The following IL1RAPL1 variants were observed in gnomAD, a reference collection of about 807,000 sequenced individuals.
IL1RAPL1 encodes interleukin-1 receptor accessory protein-like 1.
Under a neutral mutation model 48.4 loss-of-function variants are expected in IL1RAPL1, and 3 were observed. The ratio of observed to expected loss-of-function variants is 0.06; its 90% CI spans 0.03 to 0.16. The LOEUF is 0.16. Ranked by LOEUF, IL1RAPL1 falls within the 10% of genes least tolerant of loss-of-function variation. The pLI, the probability that IL1RAPL1 is intolerant of heterozygous loss-of-function variation, is 1.00. For missense variants in IL1RAPL1, 349 were observed against 530.6 expected (o/e 0.66, Z 3.36); for synonymous variants, 185 against 187.7 (o/e 0.99, Z 0.12).
chrX:28,607,354 A>G (rs1437044837), intron 1 of IL1RAPL1, among the ~76,000 whole-genome samples: 1 of 111,443 alleles, frequency 9.0e-6, no homozygotes, highest in Non-Finnish European at 1.9e-5. Context: ...TTAAAGATAT[A>G]GATTCTAGAA....
intron 5 of IL1RAPL1, among the ~76,000 whole-genome samples, chrX:29,521,924 A>G (rs1418982709): frequency 3.6e-5 from 4 of 110,921 alleles, no homozygotes; most frequent in Non-Finnish European, 7.6e-5. Context: ...TCTCTTTCCA[A>G]TTACCTGCAA....
intron 2 of IL1RAPL1, among the ~76,000 whole-genome samples, chrX:28,893,569 T>C (rs781068783): frequency 7.4e-4 from 82 of 111,243 alleles, no homozygotes; most frequent in African/African-American, 2.4e-3. Context: ...ACTCGGGGCA[T>C]GTTGAGTAAA....
At chrX:29,883,307 C>A (rs1932067389) in intron 6 of IL1RAPL1, among the ~76,000 whole-genome samples, 2 of 110,725 alleles carry the variant, frequency 1.8e-5, no homozygotes, top group Admixed American at 9.7e-5. Flanking sequence ...ATCATTAGCA[C>A]CACTCCAGCT....
At chrX:29,688,477 A>G (rs1236426408) in intron 6 of IL1RAPL1, among the ~76,000 whole-genome samples, 2 of 111,563 alleles carry the variant, frequency 1.8e-5, no homozygotes, top group African/African-American at 6.5e-5. Context: ...TGATCTCTTT[A>G]TTTCAAGAAG....
At chrX:29,568,351 T>A (rs1922480529) in intron 5 of IL1RAPL1, among the ~76,000 whole-genome samples, 1 of 108,131 alleles carries the variant, frequency 9.2e-6, no homozygotes, top group Admixed American at 9.9e-5. Context: ...AGATTATTTA[T>A]GTACTAGATA....
intron 1 of IL1RAPL1, among the ~76,000 whole-genome samples, chrX:28,690,584 T>A (rs892583143): frequency 9.0e-6 from 1 of 110,984 alleles, no homozygotes; most frequent in African/African-American, 3.3e-5. Flanking sequence ...TACTCTAAAC[T>A]ATAGGACCGT....
intron 2 of IL1RAPL1, among the ~76,000 whole-genome samples, chrX:29,188,004 C>T (rs1490079394): frequency 1.8e-5 from 2 of 112,082 alleles, no homozygotes; most frequent in Non-Finnish European, 3.8e-5. Context: ...CAATTACATG[C>T]AGTTCCCATG....
chrX:28,733,448 C>A (rs1218141460), intron 1 of IL1RAPL1, among the ~76,000 whole-genome samples: 1 of 110,819 alleles, frequency 9.0e-6, no homozygotes, highest in Non-Finnish European at 1.9e-5. Context: ...ACCACTCCAA[C>A]TAAACTATTC....
chrX:29,031,156 T>A (rs1040840236), intron 2 of IL1RAPL1, among the ~76,000 whole-genome samples: 4 of 112,353 alleles, frequency 3.6e-5, no homozygotes, highest in Non-Finnish European at 7.5e-5. Context: ...AGCTTAGTGT[T>A]AAGATAATTT....
chrX:29,212,606 G>A, intron 2 of IL1RAPL1, among the ~76,000 whole-genome samples: 2 of 112,139 alleles, frequency 1.8e-5, no homozygotes, highest in Admixed American at 1.9e-4. Context: ...ACCACGCCCA[G>A]CCTGAGTCCC....
At chrX:29,494,720 GATAGCC>G (rs1333841528) in intron 5 of IL1RAPL1, among the ~76,000 whole-genome samples, 1 of 112,313 alleles carries the variant, frequency 8.9e-6, no homozygotes, top group Non-Finnish European at 1.9e-5. Flanking sequence ...ATAGGCTTAA[GATAGCC>G]ATATGGCTCT....
intron 6 of IL1RAPL1, among the ~76,000 whole-genome samples, chrX:29,769,580 A>T (rs1449325215): frequency 1.0e-5 from 1 of 98,847 alleles, no homozygotes; most frequent in Non-Finnish European, 2.0e-5. Context: ...AGTAGCTGGA[A>T]TTATAGGCGC....
rs60466530 is a variant in IL1RAPL1 at position 29,658,904 on chromosome X, A to C, written c.704-9526A>C. On this transcript the variant is annotated intron_variant, in intron 5 of 10. Transcript: ENST00000378993. ...TTATAATTTTCCTGCTGTACAATAGAGTACTAGAATTTATTCCTTCTATCT... is the reference window on the plus strand; with the variant it reads ...TTATAATTTTCCTGCTGTACAATAGCGTACTAGAATTTATTCCTTCTATCT... Among the ~76,000 whole-genome samples, 2,773 of 112,098 alleles carry C rather than the reference A, an allele frequency of 0.025. 106 individuals are homozygous for C. In the East Asian group the frequency reaches 0.26, roughly 10 times the overall value.
intron 2 of IL1RAPL1, among the ~76,000 whole-genome samples, chrX:29,178,470 A>T (rs573892954): frequency 6.3e-5 from 7 of 111,857 alleles, no homozygotes; most frequent in African/African-American, 2.3e-4. Context: ...AATTTGTTCA[A>T]GTTCTTTATA....
intron 6 of IL1RAPL1, among the ~76,000 whole-genome samples, chrX:29,843,418 A>G (rs1288238723): frequency 1.8e-5 from 2 of 112,302 alleles, no homozygotes; most frequent in Non-Finnish European, 3.8e-5. Flanking sequence ...GGACATTATG[A>G]GTGAATTTTA....
chrX:29,114,444 A>T (rs1928635880), intron 2 of IL1RAPL1, among the ~76,000 whole-genome samples: 1 of 111,459 alleles, frequency 9.0e-6, no homozygotes, highest in Admixed American at 9.5e-5. Context: ...ATATATGCAC[A>T]CCTCTTCCCT....
At chrX:29,256,558 G>C (rs761695692) in intron 2 of IL1RAPL1, among the ~76,000 whole-genome samples, 1 of 111,686 alleles carries the variant, frequency 9.0e-6, no homozygotes, top group South Asian at 3.7e-4. Context: ...TAATGCCTCT[G>C]TTTTTTCAAC....
In IL1RAPL1 at chrX:29,315,841, G is replaced by A. The variant is rs182107271; in HGVS notation, c.362+32624G>A. 6.8e-3 allele frequency among the ~76,000 whole-genome samples: 763 copies of A among 111,899 alleles called. 5 individuals carry two copies. Among genetic ancestry groups the A allele is most frequent in the African/African-American group, 0.023 (718 of 30,817 alleles). On this transcript the variant is annotated intron_variant, in intron 3 of 10. Transcript: ENST00000378993. The stretch of plus-strand genomic sequence containing the variant: ...AGTGATACTGGAGTCATAGTCTCAG[G>A]CTAAGATAGTGGGCATGAGATGAGA...
chrX:28,856,835 C>T (rs1921817880), intron 2 of IL1RAPL1, among the ~76,000 whole-genome samples: 1 of 111,590 alleles, frequency 9.0e-6, no homozygotes, highest in Non-Finnish European at 1.9e-5. Flanking sequence ...CAATGTCTTC[C>T]ATGTGTTCAA....
Sources: gnomAD v4.1 joint callset for allele counts (sites outside exome capture counted in the v4.1 genomes callset) on GRCh38, gnomAD v4.1.1 for gene constraint, MANE v1.5 for transcripts, NCBI Gene and HGNC (gene_info 2026-07-23, HGNC 2026-07-21) for gene names.